Variants in PHTF1 observed in about 807,000 individuals in gnomAD.
The protein encoded by PHTF1 is protein PHTF1.
A neutral mutation model predicts 102.4 loss-of-function variants in PHTF1; 88 were observed. The observed-to-expected ratio is 0.86, with a 90% CI of 0.72 to 1.03. The LOEUF (loss-of-function observed/expected upper bound fraction) is 1.03, where lower values mean the gene tolerates loss of function less well. Ranked by LOEUF, PHTF1 falls within the 50% of genes least tolerant of loss-of-function variation. PHTF1 has a pLI of 0.00. For missense variants in PHTF1, 814 were observed against 909.5 expected, an observed-to-expected ratio of 0.89 and a Z score of 1.35; for synonymous variants, 289 against 305.2, an observed-to-expected ratio of 0.95 and a Z score of 0.55.
At chr1:113,704,621 A>G in intron 14 of PHTF1, 45 bp downstream of exon 14, 1 of 1,430,528 alleles carries the variant, frequency 7.0e-7, no homozygotes, top group Non-Finnish European at 9.5e-7. Flanking sequence ...AGCTTCAGTG[A>G]GCATATTCTT....
chr1:113,751,239 A>C (rs1426774738), intron 3 of PHTF1, among the ~76,000 whole-genome samples: 1 of 152,204 alleles, frequency 6.6e-6, no homozygotes, highest in Non-Finnish European at 1.5e-5. Context: ...ATTGAGGTAT[A>C]ATTTACATAC....
chr1:113,698,474 A>G (rs911759398), intron 17 of PHTF1, 87 bp from the exon 18 acceptor site: 2 of 1,159,556 alleles, frequency 1.7e-6, no homozygotes, highest in Admixed American at 2.0e-5. Context: ...TCTTGGGTAT[A>G]GATGAATGCT....
chr1:113,722,592 C>T (rs1349783454), intron 7 of PHTF1, among the ~76,000 whole-genome samples: 3 of 151,794 alleles, frequency 2.0e-5, no homozygotes, highest in African/African-American at 4.8e-5. Flanking sequence ...ACATTCTTCA[C>T]AAAAATAGAA....
chr1:113,741,398 A>G (rs1027810165), intron 3 of PHTF1, among the ~76,000 whole-genome samples: 4 of 152,380 alleles, frequency 2.6e-5, no homozygotes, highest in African/African-American at 7.2e-5. Context: ...CATAATTTTC[A>G]TGAGAATAAC....
intron 5 of PHTF1, among the ~76,000 whole-genome samples, chr1:113,731,499 C>T (rs999883498): frequency 6.6e-6 from 1 of 151,782 alleles, no homozygotes; most frequent in Admixed American, 6.6e-5. Flanking sequence ...CCACTGCACT[C>T]CAGCCTGGGA....
chr1:113,703,972 T>C (rs1206250024), intron 15 of PHTF1, 109 bp downstream of exon 15: 1 of 566,558 alleles, frequency 1.8e-6, no homozygotes, highest in Non-Finnish European at 3.1e-6. Context: ...GTAAAAAATG[T>C]AGATGCATTA....
rs1398426148 is a variant in PHTF1 at position 113,706,062 on chromosome 1, T to G, written c.1499A>C (p.Lys500Thr). 1.9e-6 allele frequency: 3 copies of G among 1,614,076 alleles called. No homozygotes were observed. The highest frequency in any genetic ancestry group is 2.5e-6 in the Non-Finnish European group (3 of 1,180,024). The change falls in exon 13 of 19, where the codon AAG (lysine) becomes ACG (threonine). Residue 500 changes from lysine (K) to threonine (T), a missense_variant. By Grantham distance (78) the Lys-to-Thr change is moderately conservative (BLOSUM62 -1). Transcript: ENST00000369604. Reference protein sequence around the residue: ...FPFLHRLFREKSLDQLKSISA... With the variant: ...FPFLHRLFRETSLDQLKSISA... ...AATGGACTTTAGTTGGTCAAGGCTC[T>G]TCTCACGGAAAAGTCGATGTAAGAA...
At chr1:113,755,009 A>G (rs1372165007) in intron 3 of PHTF1, among the ~76,000 whole-genome samples, 1 of 152,098 alleles carries the variant, frequency 6.6e-6, no homozygotes, top group Non-Finnish European at 1.5e-5. Flanking sequence ...AGTTCAATAA[A>G]TGCTTATTGA....
intron 5 of PHTF1, 40 bp downstream of exon 5, chr1:113,738,070 A>C (rs763983414): frequency 3.2e-5 from 47 of 1,449,422 alleles, no homozygotes; most frequent in Non-Finnish European, 4.4e-5. Flanking sequence ...AAAAGCAGCA[A>C]AAAGAAACTG....
chr1:113,721,479 T>C (rs1049886175), intron 7 of PHTF1, among the ~76,000 whole-genome samples: 1 of 152,178 alleles, frequency 6.6e-6, no homozygotes, highest in African/African-American at 2.4e-5. Context: ...ATCACTGTTA[T>C]TCAACATAGT....
intron 15 of PHTF1, 158 bp downstream of exon 15, chr1:113,703,923 A>AT (rs1649725872): frequency 9.6e-6 from 5 of 521,484 alleles, no homozygotes; most frequent in Non-Finnish European, 1.7e-5. Context: ...TTGTATTCCC[A>AT]TTTTGAAAAG....
intron 2 of PHTF1, among the ~76,000 whole-genome samples, chr1:113,758,231 C>CAAAAAAAAA (rs1162537319): frequency 1.7e-5 from 1 of 58,210 alleles, no homozygotes; most frequent in Non-Finnish European, 3.1e-5. Flanking sequence ...AACTCCGTCT[C>CAAAAAAAAA]AAAAAAAAAA....
At chr1:113,746,393 T>C (rs1186119662) in intron 3 of PHTF1, among the ~76,000 whole-genome samples, 1 of 152,192 alleles carries the variant, frequency 6.6e-6, no homozygotes, top group Non-Finnish European at 1.5e-5. Flanking sequence ...CACATTCCAC[T>C]GGCCAAGCAA....
intron 3 of PHTF1, among the ~76,000 whole-genome samples, chr1:113,741,649 C>G (rs1656377895): frequency 6.6e-6 from 1 of 152,096 alleles, no homozygotes. Flanking sequence ...CCAAAGCTCC[C>G]TTAGCAATAG....
intron 8 of PHTF1, 94 bp downstream of exon 8, chr1:113,713,185 C>G (rs1482190013): frequency 9.2e-7 from 1 of 1,083,746 alleles, no homozygotes; most frequent in Non-Finnish European, 1.4e-6. Context: ...AATTTATAAA[C>G]CTACTAGTAC....
chr1:113,739,743 A>G (rs1192281786), intron 3 of PHTF1, among the ~76,000 whole-genome samples: 1 of 152,126 alleles, frequency 6.6e-6, no homozygotes, highest in African/African-American at 2.4e-5. Context: ...TCCCTCTTAT[A>G]CTTCCCCACC....
chr1:113,752,574 T>C (rs1019121991), intron 3 of PHTF1, among the ~76,000 whole-genome samples: 8 of 151,748 alleles, frequency 5.3e-5, no homozygotes, highest in Non-Finnish European at 1.0e-4. Context: ...TTAGTAGAGA[T>C]GGGGTTTCAC....
At chr1:113,735,687 A>T (rs1187092693) in intron 5 of PHTF1, among the ~76,000 whole-genome samples, 1 of 152,198 alleles carries the variant, frequency 6.6e-6, no homozygotes, top group Non-Finnish European at 1.5e-5. Context: ...TCCATTACAG[A>T]TATTCTAATA....
intron 7 of PHTF1, chr1:113,714,468 G>C (rs1302419114): frequency 1.3e-5 from 2 of 152,302 alleles, no homozygotes; most frequent in Admixed American, 1.3e-4. Flanking sequence ...CTTGGACCTT[G>C]AGTGAATATC....
Sources: gnomAD v4.1 joint callset for allele counts (sites outside exome capture counted in the v4.1 genomes callset) on GRCh38, gnomAD v4.1.1 for gene constraint, MANE v1.5 for transcripts, NCBI Gene and HGNC (gene_info 2026-07-23, HGNC 2026-07-21) for gene names.